MBP: variants seen among roughly 807,000 people sequenced by gnomAD.
The protein encoded by MBP is Golli-MBP.
MBP carries 16 observed loss-of-function variants against 35.8 expected under a neutral mutation model. That is an observed-to-expected ratio of 0.45 (90% CI 0.30 to 0.68). The LOEUF is 0.68. Ranked by LOEUF, MBP falls within the 30% of genes least tolerant of loss-of-function variation. MBP has a pLI of 0.08. For missense variants in MBP, 380 were observed against 404.7 expected (o/e 0.94, Z 0.52); for synonymous variants, 143 against 159.6 (o/e 0.90, Z 0.78).
intron 1 of MBP, among the ~76,000 whole-genome samples, chr18:77,120,756 T>C (rs772506023): frequency 6.6e-6 from 1 of 152,192 alleles, no homozygotes; most frequent in Non-Finnish European, 1.5e-5. Context: ...ACAGGTGTCA[T>C]GGTAATTAAG....
chr18:76,995,510 G>A (rs1970219336), intron 4 of MBP, among the ~76,000 whole-genome samples: 1 of 152,014 alleles, frequency 6.6e-6, no homozygotes, highest in Non-Finnish European at 1.5e-5. Flanking sequence ...TGGACAGAAT[G>A]GAGTCCAGAG....
intron 3 of MBP, among the ~76,000 whole-genome samples, chr18:77,039,900 A>C (rs572896280): frequency 1.3e-4 from 20 of 152,224 alleles, no homozygotes; most frequent in Non-Finnish European, 1.9e-4. Flanking sequence ...CACCCTCGAC[A>C]GCCAGGACCT....
chr18:76,988,587 A>T lies in MBP; in HGVS notation c.718-60T>A. ...GGTCAGTGAAGGGAAAGTCCTTTCA[A>T]TCAACAGGAAACACAGTCAAAGCAC... On this transcript the variant is annotated intron_variant, in intron 6 of 8. Transcript: ENST00000355994. This position sits in a 1 kb window ranked among gnomAD's most constrained non-coding sequence, Gnocchi z 5.2. 1.3e-6 allele frequency: 2 copies of T among 1,576,104 alleles called. No individual in the cohort carries two copies. The highest frequency in any genetic ancestry group is 1.7e-6 in the Non-Finnish European group (2 of 1,161,674).
intron 2 of MBP, among the ~76,000 whole-genome samples, chr18:77,092,108 G>A (rs1023535605): frequency 2.6e-5 from 4 of 152,180 alleles, no homozygotes; most frequent in African/African-American, 9.7e-5. Flanking sequence ...GATTTTAGAC[G>A]AAAGGGCGTG....
chr18:77,120,003 A>T (rs1976840597), intron 1 of MBP, among the ~76,000 whole-genome samples: 1 of 152,196 alleles, frequency 6.6e-6, no homozygotes, highest in African/African-American at 2.4e-5. Context: ...CCTCCAGGGC[A>T]GACAGGGACC....
chr18:77,081,797 T>TATACACACACACAC (rs1310451513), intron 2 of MBP, among the ~76,000 whole-genome samples: 594 of 57,062 alleles, frequency 0.01, 5 homozygotes, highest in Non-Finnish European at 0.013. Context: ...CACACACGTA[T>TATACACACACACAC]ATATATATGC....
intron 1 of MBP, among the ~76,000 whole-genome samples, chr18:77,106,612 C>A (rs150725865): frequency 1.3e-5 from 2 of 152,092 alleles, no homozygotes; most frequent in East Asian, 3.9e-4. Flanking sequence ...ATTTAAAACA[C>A]GTGTACTTCA....
At chr18:76,985,279 G>A (rs1029773038) in intron 7 of MBP, 7 of 1,316,896 alleles carry the variant, frequency 5.3e-6, no homozygotes, top group Non-Finnish European at 7.0e-6. Flanking sequence ...CTGCCTACAC[G>A]GGTTTGGAGG....
At position 77,131,830 on chromosome 18, in the gene MBP, A is replaced by C. The variant is rs942080811; in HGVS notation, c.-26+750T>G. 1.3e-5 allele frequency: 2 copies of C among 152,668 alleles called. No individual in the cohort carries two copies. Among genetic ancestry groups the C allele is most frequent in the Non-Finnish European group, 2.9e-5 (2 of 68,648 alleles). The allele number at this position is 152,668 out of a possible 1,614,324, so 9.5% of individuals were successfully genotyped here. On this transcript the variant is annotated intron_variant, in intron 1 of 8. Coordinates refer to ENST00000355994, the MANE Select transcript of MBP (RefSeq NM_001025101.2). The surrounding 1 kb of genome is among the most constrained non-coding windows in gnomAD (Gnocchi z 5.5). ...GGCCCAGGAGGGGACTGCCGGGAAG[A>C]CCCGGGCGGGCCGGCGGGCGGCTGC...
At chr18:77,088,328 A>G (rs1975350963) in intron 2 of MBP, among the ~76,000 whole-genome samples, 1 of 152,104 alleles carries the variant, frequency 6.6e-6, no homozygotes, top group Non-Finnish European at 1.5e-5. Context: ...CCCTTTAATG[A>G]GGGCAGGACC....
At chr18:76,986,093 G>A (rs1297004037) in intron 7 of MBP, 1 of 985,446 alleles carries the variant, frequency 1.0e-6, no homozygotes, top group Non-Finnish European at 1.2e-6. Context: ...TAACAATGGG[G>A]GGCGAAGTGT....
chr18:77,074,563 G>A lies in MBP; in HGVS notation c.52-8178C>T, dbSNP rs564920023. Among the ~76,000 whole-genome samples the A allele has an allele frequency of 3.3e-5, 5 of 152,238 alleles. No homozygotes were observed. In the East Asian group the frequency reaches 9.7e-4, roughly 29 times the overall value. ...AAGGAGAACTAGGCTTCAGTGTCTG[G>A]CCCCCATCCAGGCCTGGGAGGAGGA... On this transcript the variant is annotated intron_variant, in intron 2 of 8. Transcript: ENST00000355994.
chr18:77,006,736 C>G (rs1318216111), intron 4 of MBP: 1 of 152,276 alleles, frequency 6.6e-6, no homozygotes, highest in Non-Finnish European at 1.5e-5. Context: ...ACCGGTGTCT[C>G]TGGGAGTCAG....
intron 4 of MBP, among the ~76,000 whole-genome samples, chr18:77,000,781 G>T (rs992932475): frequency 2.0e-5 from 3 of 152,092 alleles, no homozygotes; most frequent in African/African-American, 7.2e-5. Flanking sequence ...GGAGCTGGGC[G>T]TTCTGAAACT....
rs918701641 is a variant in MBP, at chr18:77,112,199, G to A, written c.-25-6913C>T. On this transcript the variant is annotated intron_variant, in intron 1 of 8. Coordinates refer to ENST00000355994, the MANE Select transcript of MBP (RefSeq NM_001025101.2). Reference sequence around the variant, plus strand: ...CACACACACACACACACGTGCGCGCGCGGCAAAAAGAAACAGCTCATTTCG... The same window carrying A: ...CACACACACACACACACGTGCGCGCACGGCAAAAAGAAACAGCTCATTTCG... Among the ~76,000 whole-genome samples, 9 of 129,000 alleles carry A rather than the reference G, an allele frequency of 7.0e-5. No individual in the cohort carries two copies. In the Admixed American group the frequency reaches 7.7e-4, roughly 11 times the overall value. 84.6% of individuals were successfully genotyped at this position (129,000 alleles called of 152,430 possible).
intron 4 of MBP, among the ~76,000 whole-genome samples, chr18:76,998,141 G>A (rs1282573418): frequency 6.6e-6 from 1 of 152,144 alleles, no homozygotes; most frequent in Admixed American, 6.5e-5. Flanking sequence ...CCAGCTTCCC[G>A]AACTGAAACC....
chr18:77,058,413 C>A (rs994540387), intron 3 of MBP, among the ~76,000 whole-genome samples: 2 of 152,210 alleles, frequency 1.3e-5, no homozygotes, highest in Non-Finnish European at 2.9e-5. Context: ...ACCCAGCCAA[C>A]GCCCCGCACA....
At chr18:77,084,549 C>T (rs1975144049) in intron 2 of MBP, among the ~76,000 whole-genome samples, 1 of 151,758 alleles carries the variant, frequency 6.6e-6, no homozygotes, top group Non-Finnish European at 1.5e-5. Flanking sequence ...TCCTTGTAGC[C>T]AAGGATCATT....
intron 2 of MBP, among the ~76,000 whole-genome samples, chr18:77,068,449 C>T (rs1282473208): frequency 6.6e-6 from 1 of 152,194 alleles, no homozygotes; most frequent in South Asian, 2.1e-4. Context: ...CATCTTGGAA[C>T]CACCACACAT....
Sources: allele counts gnomAD v4.1 joint callset (sites outside exome capture counted in the v4.1 genomes callset), GRCh38; gene constraint gnomAD v4.1.1; non-coding constraint Gnocchi (gnomAD v3.1); transcripts MANE v1.5; gene names NCBI Gene and HGNC (gene_info 2026-07-23, HGNC 2026-07-21).